NGRN: variants seen among roughly 807,000 people sequenced by gnomAD.
NGRN encodes neugrin, neurite outgrowth associated, also known as neugrin.
Under a neutral mutation model 13.1 loss-of-function variants are expected in NGRN, and 12 were observed. The observed-to-expected ratio is 0.92, with a 90% CI of 0.59 to 1.49. The LOEUF (loss-of-function observed/expected upper bound fraction) is 1.49, where lower values mean the gene tolerates loss of function less well. Ranked by LOEUF, NGRN falls within the 40% of genes most tolerant of loss-of-function variation. The pLI, the probability that NGRN is intolerant of heterozygous loss-of-function variation, is 0.00. For missense variants in NGRN, 397 were observed against 357.0 expected, an observed-to-expected ratio of 1.11 and a Z score of -0.90; for synonymous variants, 149 against 145.8, an observed-to-expected ratio of 1.02 and a Z score of -0.16.
intron 2 of NGRN, among the ~76,000 whole-genome samples, chr15:90,268,444 C>T (rs1372051917): frequency 6.6e-6 from 1 of 151,492 alleles, no homozygotes; most frequent in African/African-American, 2.4e-5. Context: ...CCTGGTCTTC[C>T]TCTTTGCCCA....
chr15:90,271,353 C>G lies in NGRN; in HGVS notation c.441C>G (p.Ala147=). The G allele has an allele frequency of 6.2e-7, 1 of 1,614,004 alleles. No individual in the cohort carries two copies. The highest frequency in any genetic ancestry group is 8.5e-7 in the Non-Finnish European group (1 of 1,180,036). The part of the protein sequence containing the change: ...DQKVLKKAGL[A]HSLQHLRGSG... Reference sequence around the variant, plus strand: ...AAGTCCTTAAGAAAGCTGGGCTTGCCCACTCGCTGCAGCACCTCCGGGGCT... The same window carrying G: ...AAGTCCTTAAGAAAGCTGGGCTTGCGCACTCGCTGCAGCACCTCCGGGGCT... Residue 147 remains alanine (A), a synonymous_variant, in exon 3 of 3, where the codon GCC becomes GCG. Transcript: ENST00000379095.
At chr15:90,266,180 T>C in intron 1 of NGRN, 108 bp from the exon 2 acceptor site, 1 of 1,485,232 alleles carries the variant, frequency 6.7e-7, no homozygotes, top group East Asian at 2.5e-5. Context: ...CCGGTTGCCC[T>C]TGCGATCAAA....
intron 2 of NGRN, among the ~76,000 whole-genome samples, chr15:90,269,665 T>C (rs1237862307): frequency 6.6e-6 from 1 of 152,196 alleles, no homozygotes; most frequent in Non-Finnish European, 1.5e-5. Context: ...ATCTGTCATC[T>C]CCAGTTCATG....
In NGRN at chr15:90,272,011, T is replaced by A; in HGVS notation, c.*223T>A. On this transcript the variant is annotated 3_prime_UTR_variant, in exon 3 of 3. Transcript: ENST00000379095. ...ACCTTCAGTACTCACTCTTCTTGCT[T>A]AGGCTCTCTGTGTGTTGAAAGCCAT... 1.8e-6 allele frequency: 1 copy of A among 557,652 alleles called. No homozygotes were observed. The allele number at this position is 557,652 out of a possible 1,614,324, so 34.5% of individuals were successfully genotyped here. A position where few individuals can be genotyped will look rare whatever the true frequency, so the allele number is the denominator to read the frequency against.
At chr15:90,270,765 A>G (rs1668136293) in intron 2 of NGRN, among the ~76,000 whole-genome samples, 1 of 147,970 alleles carries the variant, frequency 6.8e-6, no homozygotes, top group South Asian at 2.1e-4. Context: ...AACTAGCACA[A>G]GATAGGGACT....
rs1963432715 is a variant in NGRN, at chr15:90,266,915, A to G, written c.275+517A>G. 2.6e-5 allele frequency among the ~76,000 whole-genome samples: 4 copies of G among 152,098 alleles called. No homozygotes were observed. In the South Asian group the frequency reaches 8.3e-4, roughly 31 times the overall value. The stretch of plus-strand genomic sequence containing the variant: ...TCTATAATTTAGGAAAGCTTAAAAG[A>G]GTTTTTAAGTTTTTTTGTTTTGAGT... On this transcript the variant is annotated intron_variant, in intron 2 of 2. Coordinates refer to ENST00000379095, the MANE Select transcript of NGRN (RefSeq NM_001033088.3).
chr15:90,265,731 C>A lies in NGRN; in HGVS notation c.19C>A (p.Leu7Ile), dbSNP rs757674906. The change falls in exon 1 of 3, where the codon CTC (leucine) becomes ATC (isoleucine). Residue 7 changes from leucine (L) to isoleucine (I), a missense_variant. Physicochemically the swap from Leu to Ile is conservative, Grantham distance 5. Transcript: ENST00000379095. Reference protein sequence around the residue: MAVTLSLLLGGRVCAAV... With the variant: MAVTLSILLGGRVCAAV... ...CGTCGACATGGCGGTTACCCTGAGT[C>A]TCTTGCTGGGCGGGCGCGTTTGCGC... The A allele has an allele frequency of 1.2e-6, 2 of 1,613,278 alleles. No homozygotes were observed. Among genetic ancestry groups the A allele is most frequent in the Non-Finnish European group, 1.7e-6 (2 of 1,179,862 alleles).
rs756415542 is a variant in NGRN at position 90,265,735 on chromosome 15, T to C, written c.23T>C (p.Leu8Ser). 1 of 1,613,238 alleles carries C rather than the reference T, an allele frequency of 6.2e-7. No homozygotes were observed. The highest frequency in any genetic ancestry group is 1.3e-5 in the African/African-American group (1 of 74,902). MAVTLSL[L>S]LGGRVCAAVT... ...GACATGGCGGTTACCCTGAGTCTCT[T>C]GCTGGGCGGGCGCGTTTGCGCCGCC... Residue 8 changes from leucine (L) to serine (S), a missense_variant, in exon 1 of 3, where the codon TTG becomes TCG. Leu to Ser is a moderately radical substitution (Grantham distance 145). Transcript: ENST00000379095.
intron 2 of NGRN, among the ~76,000 whole-genome samples, chr15:90,266,910 A>T (rs1238439043): frequency 1.3e-5 from 2 of 152,192 alleles, no homozygotes; most frequent in Non-Finnish European, 2.9e-5. Context: ...AGGAAAGCTT[A>T]AAAGAGTTTT....
At chr15:90,268,946 A>ACCGC (rs1354994348) in intron 2 of NGRN, among the ~76,000 whole-genome samples, 22 of 29,946 alleles carry the variant, frequency 7.3e-4, no homozygotes, top group African/African-American at 2.4e-3. Flanking sequence ...GCTTTCTCCC[A>ACCGC]CCCCCCCCCC....
chr15:90,271,015 C>CG (rs1963493654), intron 2 of NGRN, among the ~76,000 whole-genome samples, 173 bp from the exon 3 acceptor site: 1 of 152,152 alleles, frequency 6.6e-6, no homozygotes, highest in African/African-American at 2.4e-5. Flanking sequence ...TCACTGGTCT[C>CG]GAACTCCTGG....
chr15:90,267,986 G>A (rs912507172), intron 2 of NGRN, among the ~76,000 whole-genome samples: 2 of 152,046 alleles, frequency 1.3e-5, no homozygotes, highest in Non-Finnish European at 2.9e-5. Context: ...GTCAGGTCTA[G>A]CTCCTCTTTT....
intron 2 of NGRN, among the ~76,000 whole-genome samples, 179 bp from the exon 3 acceptor site, chr15:90,271,009 T>C (rs575760300): frequency 2.6e-5 from 4 of 152,304 alleles, no homozygotes; most frequent in Admixed American, 2.6e-4. Flanking sequence ...CAAGAATCAC[T>C]GGTCTCGAAC....
intron 2 of NGRN, among the ~76,000 whole-genome samples, chr15:90,266,982 G>A (rs547225802): frequency 2.0e-5 from 3 of 151,408 alleles, no homozygotes; most frequent in Admixed American, 6.6e-5. Flanking sequence ...AGTATAACAT[G>A]GTATACACAT....
chr15:90,270,786 T>C (rs1596202228), intron 2 of NGRN, among the ~76,000 whole-genome samples: 1 of 152,126 alleles, frequency 6.6e-6, no homozygotes, highest in East Asian at 1.9e-4. Context: ...AGCACAAGAT[T>C]TAGCTAGCAC....
At chr15:90,265,926 G>GGCGCTCCAGGCC (rs1178227200) in intron 1 of NGRN, 50 bp downstream of exon 1, 1 of 1,437,568 alleles carries the variant, frequency 7.0e-7, no homozygotes. Flanking sequence ...CTCGTGCCCC[G>GGCGCTCCAGGCC]GCGCTCCAGG....
In NGRN at chr15:90,268,435, C is replaced by A. The variant is rs866137380; in HGVS notation, c.275+2037C>A. On this transcript the variant is annotated intron_variant, in intron 2 of 2. Coordinates refer to ENST00000379095, the MANE Select transcript of NGRN (RefSeq NM_001033088.3). ...CCATTAAGTAAAAACTTTCAGCTTC[C>A]TGGTCTTCCTCTTTGCCCACTACTC... Among the ~76,000 whole-genome samples, 4 of 151,576 alleles carry A rather than the reference C, an allele frequency of 2.6e-5. No individual in the cohort carries two copies. The South Asian group carries it at 6.2e-4, about 24-fold the overall frequency.
intron 2 of NGRN, 35 bp downstream of exon 2, chr15:90,266,433 G>A: frequency 6.5e-7 from 1 of 1,544,048 alleles, no homozygotes; most frequent in Non-Finnish European, 8.9e-7. Flanking sequence ...TATCCGCTGT[G>A]ATGAGAAGTG....
chr15:90,265,897 C>G (rs1567081929), intron 1 of NGRN, 21 bp downstream of exon 1: 1 of 1,516,662 alleles, frequency 6.6e-7, no homozygotes. Context: ...CTCCCCGGGC[C>G]CTCAGCTTGA....
Sources: allele counts gnomAD v4.1 joint callset (sites outside exome capture counted in the v4.1 genomes callset), GRCh38; gene constraint gnomAD v4.1.1; transcripts MANE v1.5; gene names NCBI Gene and HGNC (gene_info 2026-07-23, HGNC 2026-07-21).